SUCLG2: variants seen among roughly 807,000 people sequenced by gnomAD.
SUCLG2 encodes succinate--CoA ligase [GDP-forming] subunit beta, mitochondrial.
A neutral mutation model predicts 47.9 loss-of-function variants in SUCLG2; 42 were observed. The ratio of observed to expected loss-of-function variants is 0.88; its 90% CI spans 0.69 to 1.14. SUCLG2 has a LOEUF of 1.14. Ranked by LOEUF, SUCLG2 falls within the 50% of genes most tolerant of loss-of-function variation. The pLI, the probability that SUCLG2 is intolerant of heterozygous loss-of-function variation, is 0.00. For synonymous variants in SUCLG2, 195 were observed against 197.3 expected (o/e 0.99, Z 0.10); for missense variants, 571 against 525.9 (o/e 1.09, Z -0.84).
At chr3:67,412,594 T>TC (rs1702953578) in intron 9 of SUCLG2, among the ~76,000 whole-genome samples, 1 of 151,988 alleles carries the variant, frequency 6.6e-6, no homozygotes, top group Non-Finnish European at 1.5e-5. Context: ...GGGCATTTAT[T>TC]CCCCCGTCCC....
At chr3:67,436,569 T>C (rs1703628393) in intron 9 of SUCLG2, among the ~76,000 whole-genome samples, 3 of 152,322 alleles carry the variant, frequency 2.0e-5, no homozygotes, top group Non-Finnish European at 2.9e-5. Flanking sequence ...AGCAGCGATG[T>C]GCTAGTCAAG....
rs201240714 is a variant in SUCLG2, at chr3:67,566,717, GAAGTA to G, written c.227-37536_227-37532del. Among the ~76,000 whole-genome samples the G allele has an allele frequency of 7.4e-3, 1,118 of 152,012 alleles. 11 individuals carry two copies. Among genetic ancestry groups the G allele is most frequent in the East Asian group, 0.036 (185 of 5,172 alleles). The stretch of plus-strand genomic sequence containing the variant: ...TTATTCATGAAAAACGCATATACCA[GAAGTA>G]AAGATGAACCACTATGTTTCTCTCT... On this transcript the variant is annotated intron_variant, in intron 2 of 10. Coordinates refer to ENST00000307227, the MANE Select transcript of SUCLG2 (RefSeq NM_003848.4).
At chr3:67,371,573 C>A (rs9850038), downstream of SUCLG2, among the ~76,000 whole-genome samples, 26,565 of 152,136 alleles carry the variant, frequency 0.17, 2,363 homozygotes, top group Non-Finnish European at 0.18. Context: ...GTGCAAGTCC[C>A]GGAGGTGCCA....
chr3:67,614,825 T>C lies in SUCLG2; in HGVS notation c.85-5229A>G, dbSNP rs190742473. 2.5e-3 allele frequency among the ~76,000 whole-genome samples: 387 copies of C among 152,190 alleles called. 1 individual carries two copies. The highest frequency in any genetic ancestry group is 8.8e-3 in the African/African-American group (364 of 41,530). On this transcript the variant is annotated intron_variant, in intron 1 of 10. Coordinates refer to ENST00000307227, the MANE Select transcript of SUCLG2 (RefSeq NM_003848.4). ...TGAGGGAAAGTGTCTTGCCTAGGGA[T>C]CATATAGTAAGCCAGAGGCCTGATG...
chr3:67,456,867 G>A (rs1704198622), intron 9 of SUCLG2, among the ~76,000 whole-genome samples: 2 of 151,932 alleles, frequency 1.3e-5, no homozygotes, highest in Non-Finnish European at 2.9e-5. Context: ...ATATTAAAAT[G>A]AAGTCTGGGA....
chr3:67,601,365 T>A (rs2107297688), intron 2 of SUCLG2, among the ~76,000 whole-genome samples: 1 of 152,330 alleles, frequency 6.6e-6, no homozygotes, highest in East Asian at 1.9e-4. Flanking sequence ...TTTTCCAATA[T>A]CAAAATAATG....
intron 2 of SUCLG2, among the ~76,000 whole-genome samples, chr3:67,596,982 G>A (rs1708308401): frequency 6.6e-6 from 1 of 152,172 alleles, no homozygotes; most frequent in African/African-American, 2.4e-5. Flanking sequence ...GCTCATCAAT[G>A]TAAACAGAAC....
intron 10 of SUCLG2, among the ~76,000 whole-genome samples, chr3:67,398,327 A>G (rs941672155): frequency 2.0e-5 from 3 of 151,184 alleles, no homozygotes; most frequent in Non-Finnish European, 3.0e-5. Context: ...TTTACAAGAA[A>G]AAAACAAACA....
At chr3:67,501,415 G>A (rs1288777726) in intron 7 of SUCLG2, among the ~76,000 whole-genome samples, 1 of 152,052 alleles carries the variant, frequency 6.6e-6, no homozygotes, top group East Asian at 1.9e-4. Flanking sequence ...TATTATTTTG[G>A]TCTTCATCCC....
chr3:67,371,346 A>G (rs562728234), downstream of SUCLG2, among the ~76,000 whole-genome samples: 9 of 152,352 alleles, frequency 5.9e-5, 1 homozygote, highest in Admixed American at 2.6e-4. Flanking sequence ...AAAATATGAG[A>G]TAAGACTGCC....
chr3:67,519,629 T>A (rs1182582529), intron 5 of SUCLG2, among the ~76,000 whole-genome samples: 1 of 152,128 alleles, frequency 6.6e-6, no homozygotes, highest in Admixed American at 6.5e-5. Flanking sequence ...ATTTAAGAAA[T>A]AAAATCTCCC....
At chr3:67,628,585 T>C (rs1268229745) in intron 1 of SUCLG2, among the ~76,000 whole-genome samples, 2 of 152,172 alleles carry the variant, frequency 1.3e-5, no homozygotes, top group African/African-American at 4.8e-5. Flanking sequence ...GCCTCCATAA[T>C]TACCAATGGG....
At chr3:67,467,128 A>G (rs1575715755) in intron 9 of SUCLG2, among the ~76,000 whole-genome samples, 1 of 152,324 alleles carries the variant, frequency 6.6e-6, no homozygotes, top group East Asian at 1.9e-4. Context: ...TCTGGCCTAT[A>G]AAGTCTTCAG....
At chr3:67,636,862 G>C (rs965390174) in intron 1 of SUCLG2, among the ~76,000 whole-genome samples, 10 of 151,748 alleles carry the variant, frequency 6.6e-5, no homozygotes, top group Admixed American at 3.3e-4. Flanking sequence ...CCTGGTGGAG[G>C]ATATAAACGT....
At chr3:67,405,292 G>C (rs1471511139) in intron 9 of SUCLG2, among the ~76,000 whole-genome samples, 2 of 152,130 alleles carry the variant, frequency 1.3e-5, no homozygotes, top group Non-Finnish European at 1.5e-5. Flanking sequence ...ACACACTCTA[G>C]CTGCAGATTT....
At chr3:67,566,179 A>G (rs1170669284) in intron 2 of SUCLG2, among the ~76,000 whole-genome samples, 1 of 152,210 alleles carries the variant, frequency 6.6e-6, no homozygotes, top group Non-Finnish European at 1.5e-5. Context: ...GATTTTCCGA[A>G]TACGGTGAAC....
At chr3:67,550,987 C>T (rs1250091601) in intron 2 of SUCLG2, among the ~76,000 whole-genome samples, 1 of 152,158 alleles carries the variant, frequency 6.6e-6, no homozygotes, top group Non-Finnish European at 1.5e-5. Context: ...TTATACATAT[C>T]AAGTAAATGG....
intron 9 of SUCLG2, among the ~76,000 whole-genome samples, chr3:67,411,484 G>T (rs1702931854): frequency 6.6e-6 from 1 of 152,104 alleles, no homozygotes; most frequent in South Asian, 2.1e-4. Context: ...AACCCTAGTG[G>T]ATAAATATCT....
At chr3:67,369,667 A>G (rs1701925849) in intron 10 of SUCLG2, among the ~76,000 whole-genome samples, 1 of 152,176 alleles carries the variant, frequency 6.6e-6, no homozygotes, top group African/African-American at 2.4e-5. Flanking sequence ...TGATTTTGCT[A>G]AGCATCTACC....
Sources: gnomAD v4.1 joint callset for allele counts (sites outside exome capture counted in the v4.1 genomes callset) on GRCh38, gnomAD v4.1.1 for gene constraint, MANE v1.5 for transcripts, NCBI Gene and HGNC (gene_info 2026-07-23, HGNC 2026-07-21) for gene names.